THADA: variants seen among roughly 807,000 people sequenced by gnomAD.
THADA encodes THADA armadillo repeat containing.
A neutral mutation model predicts 219.8 loss-of-function variants in THADA; 213 were observed. The observed-to-expected ratio is 0.97, with a 90% CI of 0.87 to 1.09. The LOEUF (loss-of-function observed/expected upper bound fraction) is 1.09, where lower values mean the gene tolerates loss of function less well. Ranked by LOEUF, THADA falls within the 50% of genes least tolerant of loss-of-function variation. THADA has a pLI of 0.00. For synonymous variants in THADA, 1,018 were observed against 828.9 expected (o/e 1.23, Z -3.92); for missense variants, 2,956 against 2,311.3 (o/e 1.28, Z -5.72).
In THADA at chr2:43,292,217, C is replaced by T; in HGVS notation, c.4824G>A (p.Leu1608=). ...CAGGGTCCATGCAGTGGAGAATTTTCAGTATCTGTGTAAGCCAAATCCGCA... is the reference window on the plus strand; with the variant it reads ...CAGGGTCCATGCAGTGGAGAATTTTTAGTATCTGTGTAAGCCAAATCCGCA... ...ENHPECFCKI[L]KILHCMDPGE... is the part of the protein sequence containing the mutation. Residue 1608 remains leucine, a synonymous_variant, in exon 33 of 38, where the codon CTG becomes CTA. Coordinates refer to ENST00000405975, the MANE Select transcript of THADA (RefSeq NM_022065.5). 1 of 1,600,892 alleles carries T rather than the reference C, an allele frequency of 6.2e-7. No individual in the cohort carries two copies. The highest frequency in any genetic ancestry group is 2.2e-5 in the East Asian group (1 of 44,650).
intron 29 of THADA, among the ~76,000 whole-genome samples, chr2:43,391,029 C>G (rs1673310446): frequency 1.3e-5 from 2 of 152,104 alleles, no homozygotes; most frequent in Admixed American, 6.6e-5. Context: ...ACCATTTAAT[C>G]TTGCATAACT....
At chr2:43,308,755 TACCAAAAAAAAAAA>T (rs1279757335) in intron 31 of THADA, among the ~76,000 whole-genome samples, 3 of 63,322 alleles carry the variant, frequency 4.7e-5, no homozygotes, top group Non-Finnish European at 8.2e-5. Flanking sequence ...TGGATACCCA[TACCAAAAAAAAAAA>T]AAAAAAAAAA....
In THADA at chr2:43,579,662, G is replaced by C. The variant is rs964000157; in HGVS notation, c.722-1055C>G. Among the ~76,000 whole-genome samples, 3 of 152,194 alleles carry C rather than the reference G, an allele frequency of 2.0e-5. No individual in the cohort carries two copies. The East Asian group carries it at 5.8e-4, about 29-fold the overall frequency. On this transcript the variant is annotated intron_variant, in intron 8 of 37. Coordinates refer to ENST00000405975, the MANE Select transcript of THADA (RefSeq NM_022065.5). ...TAGGCATATAAGAGGGTTCAGGCCA[G>C]TTGGATTTAAGCCAGTCACTTGAGT...
At chr2:43,580,927 T>A (rs1282690293) in intron 8 of THADA, among the ~76,000 whole-genome samples, 1 of 151,992 alleles carries the variant, frequency 6.6e-6, no homozygotes, top group Non-Finnish European at 1.5e-5. Flanking sequence ...TGCTATTGTC[T>A]TCCAATCAGC....
chr2:43,292,181 A>G lies in THADA; in HGVS notation c.4860T>C (p.Leu1620=). 6.2e-7 allele frequency: 1 copy of G among 1,612,304 alleles called. No homozygotes were observed. The highest frequency in any genetic ancestry group is 8.5e-7 in the Non-Finnish European group (1 of 1,179,288). The change falls in exon 33 of 38, where the codon CTT becomes CTC. Residue 1620 remains leucine (L), a synonymous_variant. Transcript: ENST00000405975. ...GATGGACACAGTGCTCCGTCTGGGG[A>G]AGCCACTCACCAGGGTCCATGCAGT... The part of the protein sequence containing the change: ...ILHCMDPGEW[L]PQTEHCVHLT...
intron 19 of THADA, among the ~76,000 whole-genome samples, chr2:43,549,595 A>C (rs907415528): frequency 3.9e-5 from 6 of 152,102 alleles, no homozygotes; most frequent in Admixed American, 2.0e-4. Flanking sequence ...AACAAAAAAA[A>C]CTCACTGAAA....
chr2:43,590,972 G>A lies in THADA; in HGVS notation c.172-18C>T. 2 of 1,600,350 alleles carry A rather than the reference G, an allele frequency of 1.2e-6. No homozygotes were observed. The highest frequency in any genetic ancestry group is 8.5e-7 in the Non-Finnish European group (1 of 1,173,820). On this transcript the variant is annotated intron_variant, in intron 3 of 37. Coordinates refer to ENST00000405975, the MANE Select transcript of THADA (RefSeq NM_022065.5). ...GGCACAATCTATAATACAAAACATT[G>A]AAGTAATTTTTATAATATCAAATAT...
chr2:43,344,126 T>C lies in THADA; in HGVS notation c.4339A>G (p.Lys1447Glu), dbSNP rs769919179. 1 of 1,606,580 alleles carries C rather than the reference T, an allele frequency of 6.2e-7. No homozygotes were observed. ...TCATGTGGGATTTTAACATACCTCTTGGCCAGCCAGAGTTTGGCTTTGGTA... is the reference window on the plus strand; with the variant it reads ...TCATGTGGGATTTTAACATACCTCTCGGCCAGCCAGAGTTTGGCTTTGGTA... ...VCTKAKLWLA[K>E]RQNPCLVTRA... The change falls in exon 30 of 38, where the codon AAG becomes GAG. Residue 1447 changes from lysine (K) to glutamate (E), a missense_variant. Physicochemically the swap from Lys to Glu is moderately conservative, Grantham distance 56. Transcript: ENST00000405975.
At chr2:43,287,180 A>C (rs1674133824) in intron 34 of THADA, 119 bp from the exon 35 acceptor site, 2 of 913,194 alleles carry the variant, frequency 2.2e-6, no homozygotes, top group Non-Finnish European at 3.2e-6. Flanking sequence ...AATGGGAAGA[A>C]AGTTGTTTTT....
chr2:43,343,955 AT>A lies in THADA; in HGVS notation c.4343+166del, dbSNP rs376733181. ...GTTTTAGAAAAATTGTCAAGAAAAT[AT>A]TTTTCTTTCTTTACCACAACCCAAA... On this transcript the variant is annotated intron_variant, in intron 30 of 37. Transcript: ENST00000405975. 1.4e-4 allele frequency: 74 copies of A among 525,648 alleles called. No homozygotes were observed. The South Asian group carries it at 2.1e-3, about 15-fold the overall frequency. The allele number at this position is 525,648 out of a possible 1,614,324, so 32.6% of individuals were successfully genotyped here.
intron 31 of THADA, among the ~76,000 whole-genome samples, chr2:43,301,667 G>C (rs1676279623): frequency 6.6e-6 from 1 of 152,224 alleles, no homozygotes; most frequent in South Asian, 2.1e-4. Flanking sequence ...AGCCCAGAAA[G>C]CACATTACAT....
chr2:43,287,135 A>G, intron 34 of THADA, 74 bp from the exon 35 acceptor site: 1 of 1,423,322 alleles, frequency 7.0e-7, no homozygotes, highest in East Asian at 2.4e-5. Context: ...GGGGTGACCT[A>G]CACCAAACTG....
At chr2:43,261,334 C>T (rs150191571) in intron 36 of THADA, among the ~76,000 whole-genome samples, 8,948 of 150,850 alleles carry the variant, frequency 0.059, 363 homozygotes, top group South Asian at 0.18. Context: ...AGCAATTCTC[C>T]CACCTCAGCT....
intron 26 of THADA, among the ~76,000 whole-genome samples, chr2:43,450,737 T>G (rs2104893740): frequency 6.6e-6 from 1 of 152,286 alleles, no homozygotes; most frequent in African/African-American, 2.4e-5. Flanking sequence ...TACAAGAGAC[T>G]TGCTTTAGCT....
chr2:43,568,927 C>T (rs769953144), intron 14 of THADA, among the ~76,000 whole-genome samples: 19 of 152,078 alleles, frequency 1.2e-4, no homozygotes, highest in Non-Finnish European at 2.8e-4. Context: ...CCTACACACA[C>T]ACTGGGGGCT....
chr2:43,333,562 G>C (rs909492775), intron 30 of THADA, among the ~76,000 whole-genome samples: 1 of 151,772 alleles, frequency 6.6e-6, no homozygotes, highest in Admixed American at 6.6e-5. Flanking sequence ...GAAAAAACGA[G>C]AGAAAGAAAA....
At chr2:43,582,029 T>C (rs887937775) in intron 7 of THADA, 101 bp from the exon 8 acceptor site, 2 of 817,792 alleles carry the variant, frequency 2.4e-6, no homozygotes, top group Non-Finnish European at 3.6e-6. Context: ...AGGCCCAAAA[T>C]CAATTTTAAA....
intron 20 of THADA, among the ~76,000 whole-genome samples, chr2:43,547,082 C>G (rs1574194747): frequency 6.6e-6 from 1 of 151,974 alleles, no homozygotes; most frequent in Admixed American, 6.6e-5. Flanking sequence ...GACAAAATCT[C>G]TCAGCATTTG....
chr2:43,398,189 G>A, intron 28 of THADA, 50 bp from the exon 29 acceptor site: 1 of 1,578,086 alleles, frequency 6.3e-7, no homozygotes. Flanking sequence ...CTCCACATCT[G>A]TGACTTTGTA....
Sources: allele counts gnomAD v4.1 joint callset (sites outside exome capture counted in the v4.1 genomes callset), GRCh38; gene constraint gnomAD v4.1.1; transcripts MANE v1.5; gene names NCBI Gene and HGNC (gene_info 2026-07-23, HGNC 2026-07-21).